The following TYW5 variants were observed in gnomAD, a reference collection of about 807,000 sequenced individuals.
TYW5 encodes tRNA-yW synthesizing protein 5, also known as tRNA wybutosine-synthesizing protein 5.
Under a neutral mutation model 44.4 loss-of-function variants are expected in TYW5, and 36 were observed. The observed-to-expected ratio is 0.81, with a 90% CI of 0.62 to 1.07. The LOEUF is 1.07. Among genes scored for constraint, TYW5 ranks in the 50% least tolerant of loss-of-function variants. The pLI, the probability that TYW5 is intolerant of heterozygous loss-of-function variation, is 0.00. For missense variants in TYW5, 354 were observed against 365.7 expected, an observed-to-expected ratio of 0.97 and a Z score of 0.26; for synonymous variants, 121 against 128.1, an observed-to-expected ratio of 0.94 and a Z score of 0.37.
intron 1 of TYW5, among the ~76,000 whole-genome samples, chr2:199,949,767 A>C (rs2077530863): frequency 6.6e-6 from 1 of 152,182 alleles, no homozygotes; most frequent in South Asian, 2.1e-4. Flanking sequence ...AGTGCAAAAA[A>C]CAGTGATTTT....
At position 199,948,300 on chromosome 2, in the gene TYW5, A is replaced by G; in HGVS notation, c.233+18T>C. On this transcript the variant is annotated intron_variant, in intron 2 of 7. Coordinates refer to ENST00000354611, the MANE Select transcript of TYW5 (RefSeq NM_001039693.3). Reference sequence around the variant, plus strand: ...AAAAGTTATTTGTATCCCCAGAGTAAACCTCAGAAGAAAATACCTATATAC... The same window carrying G: ...AAAAGTTATTTGTATCCCCAGAGTAGACCTCAGAAGAAAATACCTATATAC... The G allele has an allele frequency of 6.2e-7, 1 of 1,613,688 alleles. No homozygotes were observed. The highest frequency in any genetic ancestry group is 1.1e-5 in the South Asian group (1 of 91,050).
rs1182358608 is a variant in TYW5, at chr2:199,931,420, G to T, written c.*1647C>A. 1 of 151,804 alleles carries T rather than the reference G, an allele frequency of 6.6e-6. No individual in the cohort carries two copies. Among genetic ancestry groups the T allele is most frequent in the Non-Finnish European group, 1.5e-5 (1 of 67,962 alleles). 9.4% of individuals were successfully genotyped at this position (151,804 alleles called of 1,614,324 possible). ...ATACTTTGTATCAATTCTCTTGCTG[G>T]TTAAGAAAAAAAACAAGATTTATTA... On this transcript the variant is annotated 3_prime_UTR_variant, in exon 8 of 8. Transcript: ENST00000354611.
intron 1 of TYW5, 104 bp downstream of exon 1, chr2:199,955,289 T>A: frequency 7.4e-7 from 1 of 1,355,934 alleles, no homozygotes; most frequent in Non-Finnish European, 1.0e-6. Context: ...CCTGCGCCTC[T>A]TTCCCACACC....
rs146972551 is a variant in TYW5, at chr2:199,941,264, C to A, written c.304-1131G>T. ...CTATGTTGTCCAAGTTGGTCTCGAA[C>A]TCCTGGACTCAAGTGATCCTCCGGT... On this transcript the variant is annotated intron_variant, in intron 3 of 7. Coordinates refer to ENST00000354611, the MANE Select transcript of TYW5 (RefSeq NM_001039693.3). Among the ~76,000 whole-genome samples, 248 of 152,286 alleles carry A rather than the reference C, an allele frequency of 1.6e-3. 1 individual carries two copies. In the Middle Eastern group the frequency reaches 0.051, roughly 31 times the overall value.
At chr2:199,950,326 C>T (rs768598741) in intron 1 of TYW5, among the ~76,000 whole-genome samples, 3 of 152,074 alleles carry the variant, frequency 2.0e-5, no homozygotes, top group Non-Finnish European at 4.4e-5. Flanking sequence ...TCCCATTATC[C>T]TCAATGTTTA....
intron 1 of TYW5, among the ~76,000 whole-genome samples, chr2:199,952,882 T>C (rs1574812348): frequency 6.6e-6 from 1 of 152,258 alleles, no homozygotes; most frequent in Non-Finnish European, 1.5e-5. Context: ...CAGTGTGAGA[T>C]ATAAACCGAA....
chr2:199,933,454 A>G (rs1200255883), intron 7 of TYW5, 131 bp from the exon 8 acceptor site: 2 of 740,644 alleles, frequency 2.7e-6, no homozygotes, highest in Non-Finnish European at 4.3e-6. Flanking sequence ...TCCCTTCGTT[A>G]GCACACTCCA....
Position 199,933,082 on chromosome 2 carries a change from G to C in TYW5, c.933C>G (p.Ser311Arg). The C allele has an allele frequency of 6.2e-7, 1 of 1,613,930 alleles. No homozygotes were observed. Among genetic ancestry groups the C allele is most frequent in the Non-Finnish European group, 8.5e-7 (1 of 1,179,952 alleles). The stretch of plus-strand genomic sequence containing the variant: ...ACTTCATTATTTACTCAGAGTTCTT[G>C]CTGTAGGCTTTGTCTTGAATGTGTA... ...MVLHIQDKAY[S>R]KNSE The change falls in exon 8 of 8, where the codon AGC (serine) becomes AGG (arginine). Residue 311 changes from serine to arginine, a missense_variant. Transcript: ENST00000354611.
chr2:199,941,092 T>C (rs1300190180), intron 3 of TYW5, among the ~76,000 whole-genome samples: 1 of 152,212 alleles, frequency 6.6e-6, no homozygotes, highest in Non-Finnish European at 1.5e-5. Context: ...CAGGGACTCA[T>C]TCTGTCACCC....
chr2:199,946,725 T>G (rs1265275055), intron 2 of TYW5: 1 of 152,206 alleles, frequency 6.6e-6, no homozygotes, highest in Non-Finnish European at 1.5e-5. Context: ...TTGGCCTGGA[T>G]GCATTCCTTC....
At chr2:199,954,465 C>G (rs985344905) in intron 1 of TYW5, among the ~76,000 whole-genome samples, 1 of 152,054 alleles carries the variant, frequency 6.6e-6, no homozygotes, top group Non-Finnish European at 1.5e-5. Flanking sequence ...GAGTTTAGCT[C>G]TTGTTGCCCA....
At chr2:199,951,061 T>A (rs112243326) in intron 1 of TYW5, among the ~76,000 whole-genome samples, 2 of 152,228 alleles carry the variant, frequency 1.3e-5, no homozygotes, top group Non-Finnish European at 1.5e-5. Context: ...CCTTCTTAAA[T>A]GTACATGTAG....
At position 199,929,685 on chromosome 2, in the gene TYW5, A is replaced by C. The variant is rs186458509; in HGVS notation, c.*3382T>G. Among the ~76,000 whole-genome samples, 12 of 152,258 alleles carry C rather than the reference A, an allele frequency of 7.9e-5. No homozygotes were observed. The highest frequency in any genetic ancestry group is 1.6e-4 in the Non-Finnish European group (11 of 68,024). Reference sequence around the variant, plus strand: ...TGCTGTTCAAAAGGATGAAGGATACAAATTAAGTTTTGTTGACTTTGTTTC... The same window carrying C: ...TGCTGTTCAAAAGGATGAAGGATACCAATTAAGTTTTGTTGACTTTGTTTC... On this transcript the variant is annotated 3_prime_UTR_variant, in exon 8 of 8. Coordinates refer to ENST00000354611, the MANE Select transcript of TYW5 (RefSeq NM_001039693.3).
intron 2 of TYW5, 128 bp from the exon 3 acceptor site, chr2:199,943,962 A>G: frequency 1.7e-6 from 1 of 587,206 alleles, no homozygotes; most frequent in Non-Finnish European, 2.9e-6. Flanking sequence ...TGTAATTTTT[A>G]TTATAACCTA....
chr2:199,948,587 G>T, intron 1 of TYW5, 115 bp from the exon 2 acceptor site: 2 of 999,444 alleles, frequency 2.0e-6, no homozygotes, highest in Non-Finnish European at 3.0e-6. Flanking sequence ...CTCCCAAGAT[G>T]CTTGAACTCA....
chr2:199,951,307 A>G (rs1187227590), intron 1 of TYW5, among the ~76,000 whole-genome samples: 6 of 152,156 alleles, frequency 3.9e-5, no homozygotes, highest in Non-Finnish European at 5.9e-5. Context: ...GTTTGTTTTC[A>G]GTTTTTTGTG....
At chr2:199,945,491 A>T (rs1191123171) in intron 2 of TYW5, 1 of 152,234 alleles carries the variant, frequency 6.6e-6, no homozygotes, top group Non-Finnish European at 1.5e-5. Context: ...TTCTTTGACT[A>T]TAGATAGTGT....
chr2:199,939,711 A>G (rs2077449855), intron 4 of TYW5, among the ~76,000 whole-genome samples: 1 of 152,330 alleles, frequency 6.6e-6, no homozygotes, highest in East Asian at 1.9e-4. Context: ...CTACTCTTTA[A>G]TATCACAGCC....
At chr2:199,948,100 TAAAAA>T in intron 2 of TYW5, 1 of 470,668 alleles carries the variant, frequency 2.1e-6, no homozygotes, top group South Asian at 2.9e-5. Context: ...TCAAAAAAAA[TAAAAA>T]ATAAAATAAA....
Sources: allele counts gnomAD v4.1 joint callset (sites outside exome capture counted in the v4.1 genomes callset), GRCh38; gene constraint gnomAD v4.1.1; transcripts MANE v1.5; gene names NCBI Gene and HGNC (gene_info 2026-07-23, HGNC 2026-07-21).